TGM3: variants seen among roughly 807,000 people sequenced by gnomAD.
TGM3 encodes the protein transglutaminase 3.
A neutral mutation model predicts 73.8 loss-of-function variants in TGM3; 52 were observed. That is an observed-to-expected ratio of 0.70 (90% CI 0.56 to 0.89). The LOEUF is 0.89. TGM3 is among the 40% of genes least tolerant of loss of function. The probability of loss-of-function intolerance (pLI) is 0.00; values close to 1 mark genes in which losing one functional copy is unlikely to be tolerated. For missense variants in TGM3, 928 were observed against 909.9 expected (o/e 1.02, Z -0.26); for synonymous variants, 372 against 354.9 (o/e 1.05, Z -0.54).
At chr20:2,306,629 A>C (rs2122214486) in intron 1 of TGM3, among the ~76,000 whole-genome samples, 1 of 151,996 alleles carries the variant, frequency 6.6e-6, no homozygotes, top group Admixed American at 6.6e-5. Context: ...GGCGTGCGCC[A>C]CCATGCCAGG....
At chr20:2,325,999 TACAGCCATGG>T in intron 8 of TGM3, 47 bp downstream of exon 8, 1 of 1,543,052 alleles carries the variant, frequency 6.5e-7, no homozygotes, top group Non-Finnish European at 8.8e-7. Flanking sequence ...CACAGTTATT[TACAGCCATGG>T]ACAGCAGCAT....
intron 8 of TGM3, 69 bp downstream of exon 8, chr20:2,326,021 G>A: frequency 6.9e-7 from 1 of 1,450,934 alleles, no homozygotes; most frequent in Non-Finnish European, 9.5e-7. Flanking sequence ...CAGCAGCATA[G>A]GGAAGTAACT....
chr20:2,321,713 G>A (rs1303034780), intron 7 of TGM3, among the ~76,000 whole-genome samples: 1 of 152,142 alleles, frequency 6.6e-6, no homozygotes, highest in African/African-American at 2.4e-5. Flanking sequence ...AAACCCTCAG[G>A]AAAGGAGTGG....
intron 1 of TGM3, among the ~76,000 whole-genome samples, chr20:2,303,611 T>G (rs2084163312): frequency 6.6e-6 from 1 of 152,196 alleles, no homozygotes; most frequent in African/African-American, 2.4e-5. Context: ...TACCTGTAAC[T>G]TCTGCCAAAA....
chr20:2,311,907 CAG>C (rs1169068565), intron 4 of TGM3, among the ~76,000 whole-genome samples: 1 of 151,980 alleles, frequency 6.6e-6, no homozygotes, highest in African/African-American at 2.4e-5. Flanking sequence ...GGGCACCAGA[CAG>C]AGATCTTGGG....
intron 1 of TGM3, among the ~76,000 whole-genome samples, chr20:2,303,061 G>A (rs1234841971): frequency 6.6e-6 from 1 of 152,198 alleles, no homozygotes; most frequent in Non-Finnish European, 1.5e-5. Context: ...GCACTTTGGA[G>A]GCTGAGGTGG....
At chr20:2,338,126 G>A (rs923697986) in intron 11 of TGM3, among the ~76,000 whole-genome samples, 1 of 152,116 alleles carries the variant, frequency 6.6e-6, no homozygotes, top group Non-Finnish European at 1.5e-5. Context: ...AATAATTTGG[G>A]TAAAACCCCA....
chr20:2,313,407 T>TCAGGG, intron 5 of TGM3, among the ~76,000 whole-genome samples: 1 of 152,188 alleles, frequency 6.6e-6, no homozygotes, highest in South Asian at 2.1e-4. Context: ...AGCGAGACCC[T>TCAGGG]GATTGAGCTG....
chr20:2,332,527 T>C lies in TGM3; in HGVS notation c.1642+217T>C, dbSNP rs1481418754. 6.6e-6 allele frequency among the ~76,000 whole-genome samples: 1 copy of C among 151,978 alleles called. No homozygotes were observed. Among genetic ancestry groups the C allele is most frequent in the East Asian group, 1.9e-4 (1 of 5,186 alleles). On this transcript the variant is annotated intron_variant, in intron 10 of 12. Transcript: ENST00000381458. The surrounding 1 kb of genome is among the most constrained non-coding windows in gnomAD (Gnocchi z 4.4). ...CAGGGTGGTGCCAACCAAAATCCTT[T>C]TACGCCCCAAGGGAGGAAGGAGGGA... is the stretch of plus-strand genomic sequence containing the variant.
In TGM3 at chr20:2,328,635, T is replaced by A. The variant is rs2084303721; in HGVS notation, c.1333+270T>A. ...GCCCATCTCCAGCTGTGTCCCTGTC[T>A]CAACTACACAGCTAGGGTGACAGCA... On this transcript the variant is annotated intron_variant, in intron 9 of 12. Coordinates refer to ENST00000381458, the MANE Select transcript of TGM3 (RefSeq NM_003245.4). This position sits in a 1 kb window ranked among gnomAD's most constrained non-coding sequence, Gnocchi z 5.2. Among the ~76,000 whole-genome samples the A allele has an allele frequency of 6.6e-6, 1 of 152,178 alleles. No individual in the cohort carries two copies. Among genetic ancestry groups the A allele is most frequent in the African/African-American group, 2.4e-5 (1 of 41,436 alleles).
chr20:2,318,076 A>G (rs1026061658), intron 7 of TGM3, among the ~76,000 whole-genome samples: 1 of 151,878 alleles, frequency 6.6e-6, no homozygotes, highest in Non-Finnish European at 1.5e-5. Flanking sequence ...CTGGAGTGCA[A>G]TGGTACAATC....
chr20:2,316,649 AC>A (rs1440541995), intron 5 of TGM3, among the ~76,000 whole-genome samples: 2 of 152,142 alleles, frequency 1.3e-5, no homozygotes, highest in African/African-American at 4.8e-5. Context: ...AAGACCATAC[AC>A]CAAAAAAGAG....
In TGM3 at chr20:2,334,630, T is replaced by C. The variant is rs1035721932; in HGVS notation, c.1643-486T>C. Among the ~76,000 whole-genome samples, 1 of 152,082 alleles carries C rather than the reference T, an allele frequency of 6.6e-6. No homozygotes were observed. The highest frequency in any genetic ancestry group is 2.4e-5 in the African/African-American group (1 of 41,426). ...GTTGTTGGCAATCAGGTGGCATTTG[T>C]ATTCTTCCACTGCCCCTCAGAAGGA... On this transcript the variant is annotated intron_variant, in intron 10 of 12. Transcript: ENST00000381458. The surrounding 1 kb of genome is among the most constrained non-coding windows in gnomAD (Gnocchi z 4.0).
chr20:2,318,299 G>A (rs148176392), intron 7 of TGM3, among the ~76,000 whole-genome samples: 169 of 152,270 alleles, frequency 1.1e-3, no homozygotes, highest in Admixed American at 2.8e-3. Flanking sequence ...GATTACAGGC[G>A]TAAGCCACTG....
chr20:2,331,721 G>A (rs1301348449), intron 9 of TGM3, among the ~76,000 whole-genome samples: 1 of 152,086 alleles, frequency 6.6e-6, no homozygotes, highest in African/African-American at 2.4e-5. Context: ...CCTAATTAAC[G>A]CAAGCAAATG....
chr20:2,311,138 G>A lies in TGM3; in HGVS notation c.540+9G>A, dbSNP rs1223480277. 3 of 1,611,406 alleles carry A rather than the reference G, an allele frequency of 1.9e-6. No individual in the cohort carries two copies. The highest frequency in any genetic ancestry group is 2.7e-5 in the African/African-American group (2 of 74,832). On this transcript the variant is annotated intron_variant, in intron 4 of 12. Transcript: ENST00000381458. ...GCTGGAACTTTGGACAGGTAAAAGG[G>A]TCATAAGGAAGCTAAGGGTAATGTC...
At chr20:2,311,242 A>T (rs214806) in intron 4 of TGM3, 113 bp downstream of exon 4, 805,599 of 847,970 alleles carry the variant, frequency 0.95, 386,193 homozygotes, top group East Asian at 1. Flanking sequence ...CTGCCCTTCT[A>T]TTTGTTCATG....
chr20:2,328,332 A>C lies in TGM3; in HGVS notation c.1300A>C (p.Met434Leu), dbSNP rs372876095. ...CAAGGCGGTGGGCAGCAATGCTCGC[A>C]TGGACGTCACGGACAAGTACAAGTA... ...STKAVGSNAR[M>L]DVTDKYKYPE... is the part of the protein sequence containing the mutation. Residue 434 changes from methionine to leucine, a missense_variant, in exon 9 of 13, where the codon ATG becomes CTG. Met to Leu is a conservative substitution (Grantham distance 15, BLOSUM62 2). Coordinates refer to ENST00000381458, the MANE Select transcript of TGM3 (RefSeq NM_003245.4). The surrounding 1 kb of genome is among the most constrained non-coding windows in gnomAD (Gnocchi z 5.2). 389 of 1,614,124 alleles carry C rather than the reference A, an allele frequency of 2.4e-4. No homozygotes were observed. Among genetic ancestry groups the C allele is most frequent in the Non-Finnish European group, 3.2e-4 (382 of 1,180,030 alleles).
intron 7 of TGM3, among the ~76,000 whole-genome samples, chr20:2,319,473 G>A (rs576444804): frequency 1.3e-5 from 2 of 152,336 alleles, no homozygotes; most frequent in Non-Finnish European, 2.9e-5. Flanking sequence ...CTCAAGGAAG[G>A]CGTCCTGGAA....
Sources: allele counts gnomAD v4.1 joint callset (sites outside exome capture counted in the v4.1 genomes callset), GRCh38; gene constraint gnomAD v4.1.1; non-coding constraint Gnocchi (gnomAD v3.1); transcripts MANE v1.5; gene names NCBI Gene and HGNC (gene_info 2026-07-23, HGNC 2026-07-21).